NR1H4: variants seen among roughly 807,000 people sequenced by gnomAD.
The protein encoded by NR1H4 is nuclear receptor subfamily 1 group H member 4.
NR1H4 carries 23 observed loss-of-function variants against 58.5 expected under a neutral mutation model. That is an observed-to-expected ratio of 0.39 (90% CI 0.28 to 0.56). The LOEUF (loss-of-function observed/expected upper bound fraction) is 0.56. NR1H4 is among the 20% of genes least tolerant of loss of function. The probability of loss-of-function intolerance (pLI) is 0.58; values close to 1 mark genes in which losing one functional copy is unlikely to be tolerated. For missense variants in NR1H4, 487 were observed against 576.9 expected, an observed-to-expected ratio of 0.84 and a Z score of 1.60; for synonymous variants, 214 against 198.0, an observed-to-expected ratio of 1.08 and a Z score of -0.68.
chr12:100,562,619 T>G (rs1229021221), intron 10 of NR1H4, among the ~76,000 whole-genome samples: 1 of 152,222 alleles, frequency 6.6e-6, no homozygotes, highest in African/African-American at 2.4e-5. Context: ...TACTTAATCT[T>G]TACCACATGT....
At chr12:100,530,919 C>T (rs969823503) in intron 4 of NR1H4, among the ~76,000 whole-genome samples, 5 of 152,110 alleles carry the variant, frequency 3.3e-5, no homozygotes, top group Admixed American at 2.0e-4. Context: ...CACTTTCACC[C>T]GAGAAGTTGA....
chr12:100,528,718 C>T (rs1042487082), intron 4 of NR1H4, among the ~76,000 whole-genome samples: 9 of 152,164 alleles, frequency 5.9e-5, no homozygotes, highest in Non-Finnish European at 1.0e-4. Flanking sequence ...TATTGTGTTG[C>T]TATTCAGAGT....
intron 1 of NR1H4, among the ~76,000 whole-genome samples, chr12:100,474,780 T>C (rs1177562939): frequency 6.6e-6 from 1 of 152,174 alleles, no homozygotes; most frequent in Non-Finnish European, 1.5e-5. Context: ...AATTGGGTTT[T>C]TATTCAGAAG....
chr12:100,535,867 A>G (rs936674008), intron 6 of NR1H4, among the ~76,000 whole-genome samples: 2 of 152,182 alleles, frequency 1.3e-5, no homozygotes, highest in African/African-American at 4.8e-5. Flanking sequence ...AATTGTCCAG[A>G]TTGTTGACTC....
chr12:100,560,427 A>C (rs1296101978), intron 9 of NR1H4, among the ~76,000 whole-genome samples: 4 of 151,948 alleles, frequency 2.6e-5, no homozygotes, highest in Non-Finnish European at 5.9e-5. Context: ...CTGCAGCTTC[A>C]CTCCTGAACC....
At chr12:100,528,594 C>T (rs985089679) in intron 4 of NR1H4, among the ~76,000 whole-genome samples, 4 of 152,084 alleles carry the variant, frequency 2.6e-5, no homozygotes, top group Non-Finnish European at 5.9e-5. Flanking sequence ...AATGACTTTT[C>T]TGATATGAGC....
intron 9 of NR1H4, among the ~76,000 whole-genome samples, chr12:100,541,113 A>G (rs1442705512): frequency 6.6e-6 from 1 of 152,240 alleles, no homozygotes; most frequent in Non-Finnish European, 1.5e-5. Flanking sequence ...CAACTAGCAC[A>G]AAGGAGCTAG....
chr12:100,522,096 A>T (rs1954436015), intron 4 of NR1H4, among the ~76,000 whole-genome samples: 4 of 151,924 alleles, frequency 2.6e-5, no homozygotes, highest in African/African-American at 9.7e-5. Flanking sequence ...AATGAAGATG[A>T]GATAAAGATG....
At chr12:100,535,062 A>T in intron 6 of NR1H4, 39 bp downstream of exon 6, 2 of 1,613,640 alleles carry the variant, frequency 1.2e-6, no homozygotes, top group Non-Finnish European at 1.7e-6. Flanking sequence ...ACTGGCAGGA[A>T]CTGAGTTTCT....
chr12:100,551,249 G>C (rs1285997940), intron 9 of NR1H4, among the ~76,000 whole-genome samples: 1 of 152,226 alleles, frequency 6.6e-6, no homozygotes, highest in African/African-American at 2.4e-5. Flanking sequence ...AGAGAAAGGA[G>C]ATAATCTTGT....
Position 100,534,901 on chromosome 12 carries a change from G to A in NR1H4, c.610G>A (p.Glu204Lys). Reference sequence around the variant, plus strand: ...CTTATTTGTTTTAGGCTTGTTAACTGAAATTCAGTGTAAATCTAAGCGACT... The same window carrying A: ...CTTATTTGTTTTAGGCTTGTTAACTAAAATTCAGTGTAAATCTAAGCGACT... ...AECMYTGLLT[E>K]IQCKSKRLRK... The change falls in exon 6 of 11, where the codon GAA (glutamate) becomes AAA (lysine). Residue 204 changes from glutamate to lysine, a missense_variant. Glu to Lys is a moderately conservative substitution (Grantham distance 56). Coordinates refer to ENST00000392986, the MANE Select transcript of NR1H4 (RefSeq NM_001206979.2). 7 of 1,614,160 alleles carry A rather than the reference G, an allele frequency of 4.3e-6. No homozygotes were observed. The highest frequency in any genetic ancestry group is 5.9e-6 in the Non-Finnish European group (7 of 1,180,002).
At chr12:100,510,607 TTATATA>T (rs34480475) in intron 3 of NR1H4, among the ~76,000 whole-genome samples, 165 bp from the exon 4 acceptor site, 5,004 of 133,672 alleles carry the variant, frequency 0.037, 325 homozygotes, top group African/African-American at 0.13. Context: ...TCATTTAATT[TTATATA>T]TATATATATA....
At chr12:100,491,480 A>G (rs1953604693) in intron 1 of NR1H4, among the ~76,000 whole-genome samples, 1 of 129,310 alleles carries the variant, frequency 7.7e-6, no homozygotes, top group Non-Finnish European at 1.7e-5. Context: ...TTTTCTTCTC[A>G]CCTCTGGGTG....
chr12:100,494,718 C>A (rs1953675533), intron 3 of NR1H4, among the ~76,000 whole-genome samples: 1 of 152,228 alleles, frequency 6.6e-6, no homozygotes, highest in Non-Finnish European at 1.5e-5. Flanking sequence ...CGTGGTTCCT[C>A]AGAACAGAGT....
At chr12:100,479,526 T>A (rs1296133229) in intron 1 of NR1H4, among the ~76,000 whole-genome samples, 2 of 152,230 alleles carry the variant, frequency 1.3e-5, no homozygotes, top group African/African-American at 4.8e-5. Flanking sequence ...CAGCATGCTA[T>A]TTTCCCTTCC....
intron 9 of NR1H4, among the ~76,000 whole-genome samples, chr12:100,557,615 T>C (rs1955361059): frequency 6.6e-6 from 1 of 152,228 alleles, no homozygotes; most frequent in Non-Finnish European, 1.5e-5. Context: ...CTCCTGCCTT[T>C]TGGAGTTGCC....
intron 3 of NR1H4, among the ~76,000 whole-genome samples, chr12:100,509,404 A>G (rs1160021096): frequency 6.6e-6 from 1 of 152,196 alleles, no homozygotes; most frequent in Non-Finnish European, 1.5e-5. Flanking sequence ...ATGATTTTCT[A>G]TTACCTAGAG....
At chr12:100,507,812 T>C (rs1185702968) in intron 3 of NR1H4, among the ~76,000 whole-genome samples, 1 of 152,190 alleles carries the variant, frequency 6.6e-6, no homozygotes, top group Non-Finnish European at 1.5e-5. Context: ...GAAATTGATT[T>C]TTGTACAGAT....
At chr12:100,498,569 C>T (rs1007347979) in intron 3 of NR1H4, among the ~76,000 whole-genome samples, 3 of 151,238 alleles carry the variant, frequency 2.0e-5, no homozygotes, top group African/African-American at 7.3e-5. Flanking sequence ...ACCCAGGAGG[C>T]GGAGGTTACA....
Sources: gnomAD v4.1 joint callset for allele counts (sites outside exome capture counted in the v4.1 genomes callset) on GRCh38, gnomAD v4.1.1 for gene constraint, MANE v1.5 for transcripts, NCBI Gene and HGNC (gene_info 2026-07-23, HGNC 2026-07-21) for gene names.